Variants in VPS13D observed in about 807,000 individuals in gnomAD.
The protein encoded by VPS13D is intermembrane lipid transfer protein VPS13D.
VPS13D carries 187 observed loss-of-function variants against 461.9 expected under a neutral mutation model. The observed-to-expected ratio is 0.40, with a 90% CI of 0.36 to 0.46. The LOEUF is 0.46. Among genes scored for constraint, VPS13D ranks in the 20% least tolerant of loss-of-function variants. VPS13D has a pLI of 0.60. For synonymous variants in VPS13D, 1,951 were observed against 1,986.3 expected (o/e 0.98, Z 0.47); for missense variants, 4,711 against 5,364.9 (o/e 0.88, Z 3.81).
chr1:12,367,439 A>G (rs1644051263), intron 52 of VPS13D, among the ~76,000 whole-genome samples: 2 of 152,214 alleles, frequency 1.3e-5, no homozygotes, highest in South Asian at 4.1e-4. Flanking sequence ...GTAAATAAGA[A>G]TAATCCCATT....
intron 60 of VPS13D, among the ~76,000 whole-genome samples, chr1:12,393,783 A>G (rs896689849): frequency 2.0e-5 from 3 of 152,148 alleles, no homozygotes; most frequent in African/African-American, 4.8e-5. Flanking sequence ...CAAGGAGCCA[A>G]TGTGGGGGTT....
At chr1:12,312,038 G>A (rs1342776780) in intron 29 of VPS13D, 113 bp downstream of exon 29, 1 of 716,158 alleles carries the variant, frequency 1.4e-6, no homozygotes. Context: ...ATGGAATGTT[G>A]TCTGCAGAGT....
chr1:12,304,858 G>A, intron 26 of VPS13D, 130 bp downstream of exon 26: 1 of 941,412 alleles, frequency 1.1e-6, no homozygotes, highest in Non-Finnish European at 1.6e-6. Flanking sequence ...TAACGATGAT[G>A]AGATTCTGAT....
At chr1:12,284,654 G>T (rs923960550) in intron 21 of VPS13D, among the ~76,000 whole-genome samples, 6 of 152,182 alleles carry the variant, frequency 3.9e-5, no homozygotes, top group Non-Finnish European at 8.8e-5. Context: ...GTGCCTCAAG[G>T]ATGTTCTTTA....
intron 65 of VPS13D, among the ~76,000 whole-genome samples, chr1:12,439,193 G>A (rs548265817): frequency 6.6e-6 from 1 of 152,006 alleles, no homozygotes; most frequent in Non-Finnish European, 1.5e-5. Context: ...CGAAGCCCAC[G>A]AGGTCAGCCT....
chr1:12,316,348 C>T (rs536142276), intron 30 of VPS13D, among the ~76,000 whole-genome samples: 35 of 152,208 alleles, frequency 2.3e-4, no homozygotes, highest in African/African-American at 8.4e-4. Context: ...TTTTGAACGC[C>T]TTTCGTGTCT....
intron 6 of VPS13D, among the ~76,000 whole-genome samples, chr1:12,250,397 A>G (rs942350904): frequency 2.7e-4 from 41 of 152,158 alleles, no homozygotes; most frequent in Non-Finnish European, 3.7e-4. Flanking sequence ...AACAACAATG[A>G]CACTCCTGTC....
intron 34 of VPS13D, among the ~76,000 whole-genome samples, chr1:12,323,040 A>G (rs998562026): frequency 9.9e-5 from 15 of 152,210 alleles, no homozygotes; most frequent in South Asian, 4.1e-4. Context: ...TATGAGTAAC[A>G]CTAAGTTTTA....
intron 67 of VPS13D, among the ~76,000 whole-genome samples, chr1:12,485,569 A>G (rs1645786650): frequency 6.6e-6 from 1 of 152,242 alleles, no homozygotes; most frequent in African/African-American, 2.4e-5. Flanking sequence ...TCTGCTTTAC[A>G]AATTTTCAGC....
chr1:12,341,220 A>C (rs183103206), intron 40 of VPS13D, among the ~76,000 whole-genome samples: 142 of 152,302 alleles, frequency 9.3e-4, no homozygotes, highest in Non-Finnish European at 8.8e-5. Context: ...TGGGCTAACA[A>C]TTTTGTTTGA....
At chr1:12,310,883 C>T in intron 27 of VPS13D, among the ~76,000 whole-genome samples, 1 of 143,184 alleles carries the variant, frequency 7.0e-6, no homozygotes, top group African/African-American at 2.6e-5. Flanking sequence ...CTCCTTCCCT[C>T]CTTCCCTCCT....
chr1:12,264,390 G>C (rs1641203924), intron 13 of VPS13D, among the ~76,000 whole-genome samples: 1 of 152,250 alleles, frequency 6.6e-6, no homozygotes, highest in Non-Finnish European at 1.5e-5. Flanking sequence ...CAAAAGCTAG[G>C]CCACTTGTGC....
In VPS13D at chr1:12,276,101, T is replaced by C. The variant is rs1287422380; in HGVS notation, c.2513T>C (p.Val838Ala). The C allele has an allele frequency of 6.2e-7, 1 of 1,614,130 alleles. No homozygotes were observed. Reference sequence around the variant, plus strand: ...CGAGTGAAAGACAATTGGAAGCATGTCCAGGATATTGACGTGGGACCAACA... The same window carrying C: ...CGAGTGAAAGACAATTGGAAGCATGCCCAGGATATTGACGTGGGACCAACA... The part of the protein sequence containing the change: ...VGRVKDNWKH[V>A]QDIDVGPTHV... The change falls in exon 19 of 70, where the codon GTC becomes GCC. Residue 838 changes from valine to alanine, a missense_variant. By Grantham distance (64) the Val-to-Ala change is moderately conservative. Transcript: ENST00000620676. The surrounding 1 kb of genome is among the most constrained non-coding windows in gnomAD (Gnocchi z 4.5).
intron 65 of VPS13D, among the ~76,000 whole-genome samples, chr1:12,427,476 A>C (rs551224253): frequency 6.6e-6 from 1 of 151,798 alleles, no homozygotes; most frequent in South Asian, 2.1e-4. Flanking sequence ...CCAACCACAG[A>C]TCAAAACCGA....
chr1:12,437,166 G>A (rs1645073393), intron 65 of VPS13D, among the ~76,000 whole-genome samples: 1 of 152,154 alleles, frequency 6.6e-6, no homozygotes, highest in Non-Finnish European at 1.5e-5. Flanking sequence ...GTAGATTGCA[G>A]AGTTACCAAA....
chr1:12,255,135 G>GTTTTT (rs1557666651), intron 7 of VPS13D, among the ~76,000 whole-genome samples: 1 of 151,856 alleles, frequency 6.6e-6, no homozygotes, highest in Admixed American at 6.6e-5. Flanking sequence ...TAGTAGAGAC[G>GTTTTT]AGGTTTCGCC....
chr1:12,288,391 T>C, intron 22 of VPS13D, 78 bp downstream of exon 22: 2 of 1,290,778 alleles, frequency 1.5e-6, no homozygotes, highest in Non-Finnish European at 1.1e-6. Context: ...AAATTGATTG[T>C]CCTCACGTGC....
intron 63 of VPS13D, among the ~76,000 whole-genome samples, chr1:12,405,246 T>A (rs537893789): frequency 2.2e-4 from 34 of 152,348 alleles, no homozygotes; most frequent in Non-Finnish European, 4.7e-4. Context: ...GATCTTCAGA[T>A]TTTTAAAGAG....
intron 67 of VPS13D, among the ~76,000 whole-genome samples, chr1:12,488,213 C>G (rs977770566): frequency 6.6e-6 from 1 of 152,172 alleles, no homozygotes; most frequent in African/African-American, 2.4e-5. Flanking sequence ...GGACTTGACA[C>G]CCAATAATTC....
Sources: allele counts gnomAD v4.1 joint callset (sites outside exome capture counted in the v4.1 genomes callset), GRCh38; gene constraint gnomAD v4.1.1; non-coding constraint Gnocchi (gnomAD v3.1); transcripts MANE v1.5; gene names NCBI Gene and HGNC (gene_info 2026-07-23, HGNC 2026-07-21).